Variants in DNAH6 observed in about 807,000 individuals in gnomAD.
DNAH6 encodes axonemal beta dynein heavy chain 6.
Under a neutral mutation model 491.4 loss-of-function variants are expected in DNAH6, and 340 were observed. The ratio of observed to expected loss-of-function variants is 0.69; its 90% CI spans 0.63 to 0.76. The LOEUF is 0.76. Ranked by LOEUF, DNAH6 falls within the 30% of genes least tolerant of loss-of-function variation. DNAH6 has a pLI of 0.00. For synonymous variants in DNAH6, 1,603 were observed against 1,686.1 expected, an observed-to-expected ratio of 0.95 and a Z score of 1.21; for missense variants, 4,443 against 4,972.2, an observed-to-expected ratio of 0.89 and a Z score of 3.20.
At chr2:84,766,074 A>C (rs1559016572) in intron 64 of DNAH6, among the ~76,000 whole-genome samples, 1 of 152,152 alleles carries the variant, frequency 6.6e-6, no homozygotes, top group Admixed American at 6.5e-5. Context: ...TAAAGCAAAA[A>C]TGGAGAAATT....
At chr2:84,548,562 C>A (rs1490298649) in intron 8 of DNAH6, 145 bp downstream of exon 8, 39 of 869,456 alleles carry the variant, frequency 4.5e-5, no homozygotes, top group Non-Finnish European at 6.6e-5. Flanking sequence ...ATGTTGTATA[C>A]CTTAAGTACA....
chr2:84,684,077 C>T (rs1359714910), intron 42 of DNAH6, among the ~76,000 whole-genome samples: 1 of 152,188 alleles, frequency 6.6e-6, no homozygotes, highest in Non-Finnish European at 1.5e-5. Flanking sequence ...CTTCCAGAGC[C>T]TGAAGGACTC....
chr2:84,460,726 G>A, the DNAH6 span, among the ~76,000 whole-genome samples: 1 of 152,252 alleles, frequency 6.6e-6, no homozygotes, highest in African/African-American at 2.4e-5. Context: ...ATGTTTGATG[G>A]ACTTAGGATA....
At chr2:84,465,732 C>A in the DNAH6 span, among the ~76,000 whole-genome samples, 23 of 152,248 alleles carry the variant, frequency 1.5e-4, 1 homozygote, top group Middle Eastern at 6.8e-3. Flanking sequence ...TTTTACATTA[C>A]CCAACCCTCT....
intron 40 of DNAH6, among the ~76,000 whole-genome samples, chr2:84,676,303 C>CTTTCACATT (rs1391601399): frequency 6.6e-6 from 1 of 152,190 alleles, no homozygotes; most frequent in Non-Finnish European, 1.5e-5. Context: ...TGAGACCACA[C>CTTTCACATT]TTTCACATTT....
intron 63 of DNAH6, among the ~76,000 whole-genome samples, chr2:84,749,395 GTGGCACAGC>G (rs1471393567): frequency 6.6e-6 from 1 of 152,224 alleles, no homozygotes; most frequent in African/African-American, 2.4e-5. Context: ...GACTAGGGAT[GTGGCACAGC>G]TGGAAAGATG....
At chr2:84,628,993 G>A (rs115940339) in intron 29 of DNAH6, among the ~76,000 whole-genome samples, 5,236 of 152,226 alleles carry the variant, frequency 0.034, 138 homozygotes, top group Non-Finnish European at 0.053. Flanking sequence ...ATATGTGTGT[G>A]TGTGGTCCTA....
At chr2:84,686,805 A>G (rs1694304736) in intron 44 of DNAH6, among the ~76,000 whole-genome samples, 1 of 152,208 alleles carries the variant, frequency 6.6e-6, no homozygotes, top group Non-Finnish European at 1.5e-5. Flanking sequence ...CTACAACAGC[A>G]GAGTGCAGTA....
chr2:84,738,519 G>T (rs1338293657), intron 62 of DNAH6, among the ~76,000 whole-genome samples: 1 of 152,074 alleles, frequency 6.6e-6, no homozygotes, highest in Non-Finnish European at 1.5e-5. Context: ...ATAAGTCTGG[G>T]TACTCCAATG....
intron 18 of DNAH6, among the ~76,000 whole-genome samples, chr2:84,598,122 C>CT (rs1316954008): frequency 2.5e-4 from 34 of 134,748 alleles, no homozygotes; most frequent in African/African-American, 5.2e-4. Flanking sequence ...TTCTTTCTAT[C>CT]TTTCTTTTCT....
In DNAH6 at chr2:84,819,526, G is replaced by A. The variant is rs1351940045; in HGVS notation, c.*118G>A. 3.1e-5 allele frequency: 19 copies of A among 603,418 alleles called. No homozygotes were observed. Among genetic ancestry groups the A allele is most frequent in the Non-Finnish European group, 4.5e-5 (16 of 357,026 alleles). The allele number at this position is 603,418 out of a possible 1,614,324, so 37.4% of individuals were successfully genotyped here. A position where few individuals can be genotyped will look rare whatever the true frequency, so the allele number is the denominator to read the frequency against. ...GTGTTAATTCTGATTTGACTTAAAC[G>A]TATTGTGACTTTTATTTCTCTTATG... On this transcript the variant is annotated 3_prime_UTR_variant, in exon 77 of 77. Transcript: ENST00000389394.
chr2:84,638,330 A>G (rs934829702), intron 31 of DNAH6, among the ~76,000 whole-genome samples: 10 of 152,056 alleles, frequency 6.6e-5, no homozygotes, highest in Non-Finnish European at 1.2e-4. Context: ...CGTATTTTTC[A>G]TGGCACTTTT....
chr2:84,502,767 T>C, the DNAH6 span, among the ~76,000 whole-genome samples: 1 of 152,194 alleles, frequency 6.6e-6, no homozygotes, highest in Non-Finnish European at 1.5e-5. Context: ...TTGTCTCTTA[T>C]AGTTTCAGTC....
At chr2:84,611,525 A>G (rs952984911) in intron 21 of DNAH6, 149 bp from the exon 22 acceptor site, 2 of 668,998 alleles carry the variant, frequency 3.0e-6, no homozygotes, top group African/African-American at 3.7e-5. Context: ...GGACCTTGTA[A>G]GGAATTTAAT....
At chr2:84,598,594 A>C (rs527862986) in intron 18 of DNAH6, among the ~76,000 whole-genome samples, 2 of 152,218 alleles carry the variant, frequency 1.3e-5, no homozygotes, top group African/African-American at 4.8e-5. Flanking sequence ...TTTTCCAAAG[A>C]ACTGCAACAT....
intron 63 of DNAH6, among the ~76,000 whole-genome samples, chr2:84,753,755 TAAAAAAAAAA>T (rs1162541312): frequency 1.9e-4 from 15 of 77,144 alleles, no homozygotes; most frequent in South Asian, 1.0e-3. Flanking sequence ...GAAACTCTGT[TAAAAAAAAAA>T]AAAAAAAAAA....
At chr2:84,810,417 G>A (rs573211017) in intron 72 of DNAH6, among the ~76,000 whole-genome samples, 2 of 152,278 alleles carry the variant, frequency 1.3e-5, no homozygotes, top group African/African-American at 4.8e-5. Flanking sequence ...ACTAACAGAG[G>A]AATTCCCCTA....
At chr2:84,709,250 C>T in intron 54 of DNAH6, 93 bp from the exon 55 acceptor site, 1 of 1,290,874 alleles carries the variant, frequency 7.7e-7, no homozygotes, top group Non-Finnish European at 1.1e-6. Flanking sequence ...AGCTCTTCAG[C>T]CACTGACTTA....
chr2:84,581,260 C>T (rs968179573), intron 14 of DNAH6, among the ~76,000 whole-genome samples: 4 of 152,164 alleles, frequency 2.6e-5, no homozygotes, highest in Non-Finnish European at 5.9e-5. Flanking sequence ...TAGACTGTGT[C>T]CCATCTCCAG....
Sources: allele counts gnomAD v4.1 joint callset (sites outside exome capture counted in the v4.1 genomes callset), GRCh38; gene constraint gnomAD v4.1.1; transcripts MANE v1.5; gene names NCBI Gene and HGNC (gene_info 2026-07-23, HGNC 2026-07-21).